Variants in TNRC6B observed in about 807,000 individuals in gnomAD.
The protein encoded by TNRC6B is trinucleotide repeat containing adaptor 6B, also known as trinucleotide repeat-containing gene 6B protein.
In TNRC6B, 52 loss-of-function variants were observed where a neutral mutation model predicts 203.6. The ratio of observed to expected loss-of-function variants is 0.26; its 90% CI spans 0.20 to 0.32. TNRC6B has a LOEUF of 0.32. TNRC6B is among the 10% of genes least tolerant of loss of function. The pLI is 1.00. For missense variants in TNRC6B, 1,923 were observed against 2,286.2 expected (o/e 0.84, Z 3.24); for synonymous variants, 838 against 845.7 (o/e 0.99, Z 0.16).
chr22:40,289,913 T>A (rs1048735370), intron 12 of TNRC6B, among the ~76,000 whole-genome samples: 4 of 152,346 alleles, frequency 2.6e-5, no homozygotes, highest in Admixed American at 2.0e-4. Context: ...TCTCATCCTA[T>A]AGGAGTTCAG....
intron 21 of TNRC6B, 99 bp downstream of exon 21, chr22:40,316,111 T>G (rs1478806647): frequency 3.6e-6 from 4 of 1,102,550 alleles, no homozygotes; most frequent in Non-Finnish European, 5.4e-6. Context: ...TCCAAGCACT[T>G]TGGGAGGCCG....
At chr22:40,267,129 G>C (rs1324900833) in intron 5 of TNRC6B, 93 bp downstream of exon 5, 1 of 1,307,920 alleles carries the variant, frequency 7.6e-7, no homozygotes, top group East Asian at 2.6e-5. Flanking sequence ...ACTTAGTTTT[G>C]TTCTGAGATG....
chr22:40,253,292 A>G (rs2070221503), intron 3 of TNRC6B, among the ~76,000 whole-genome samples: 1 of 146,378 alleles, frequency 6.8e-6, no homozygotes, highest in Admixed American at 6.9e-5. Context: ...GGGTTTCACC[A>G]TGTTAGCCAG....
At chr22:40,074,800 TAAAG>T (rs151272546) in intron 1 of TNRC6B, among the ~76,000 whole-genome samples, 6,406 of 150,164 alleles carry the variant, frequency 0.043, 416 homozygotes, top group African/African-American at 0.14. Flanking sequence ...TAAAATAAAA[TAAAG>T]AAAATTAGCT....
intron 2 of TNRC6B, among the ~76,000 whole-genome samples, chr22:40,247,254 G>A (rs940980564): frequency 6.6e-6 from 1 of 152,156 alleles, no homozygotes; most frequent in African/African-American, 2.4e-5. Context: ...TGTGGGAAAG[G>A]TTCGAGGGTC....
At chr22:40,254,853 C>G (rs1436928207) in intron 3 of TNRC6B, among the ~76,000 whole-genome samples, 1 of 152,196 alleles carries the variant, frequency 6.6e-6, no homozygotes, top group Non-Finnish European at 1.5e-5. Flanking sequence ...TGCCATTGCA[C>G]TCCAGCTGGG....
intron 1 of TNRC6B, among the ~76,000 whole-genome samples, chr22:40,052,472 GTT>G (rs2067757215): frequency 6.0e-5 from 1 of 16,594 alleles, no homozygotes; most frequent in African/African-American, 2.1e-4. Context: ...TTTTTTTTTT[GTT>G]GAGGCAGGGT....
intron 4 of TNRC6B, among the ~76,000 whole-genome samples, chr22:40,165,024 C>T (rs1480653458): frequency 2.6e-5 from 4 of 151,190 alleles, no homozygotes; most frequent in East Asian, 2.0e-4. Context: ...TCAGATGATC[C>T]GCCTGCCTCA....
Position 40,277,984 on chromosome 22 carries a change from T to G in TNRC6B, c.3217-15T>G. ...TGCATCCTTAATTCTCTCTCATCTG[T>G]TCTTTATTTTCCAGAGTCAGACTGA... On this transcript the variant is annotated splice_polypyrimidine_tract_variant and intron_variant, in intron 8 of 22. Transcript: ENST00000454349. The G allele has an allele frequency of 1.3e-6, 2 of 1,545,900 alleles. No homozygotes were observed. The highest frequency in any genetic ancestry group is 1.8e-6 in the Non-Finnish European group (2 of 1,138,484).
chr22:40,285,769 A>T lies in TNRC6B; in HGVS notation c.3707A>T (p.Gln1236Leu). The T allele has an allele frequency of 6.2e-7, 1 of 1,613,036 alleles. No homozygotes were observed. The highest frequency in any genetic ancestry group is 8.5e-7 in the Non-Finnish European group (1 of 1,179,604). ...AQVPPQFISP[Q>L]VSASMLKQFP... ...GTGCCTCCCCAGTTTATTTCCCCCC[A>T]GGTAAGCAATTTTACGTTCCTGTGA... is the stretch of plus-strand genomic sequence containing the variant. The change falls in exon 12 of 23, where the codon CAG becomes CTG. Residue 1236 changes from glutamine (Q) to leucine (L), a missense_variant and splice_region_variant. Transcript: ENST00000454349.
chr22:40,192,187 A>G (rs2069283466), intron 1 of TNRC6B, among the ~76,000 whole-genome samples: 1 of 152,158 alleles, frequency 6.6e-6, no homozygotes, highest in African/African-American at 2.4e-5. Context: ...AGAAATTTGG[A>G]TTTTATCCCG....
intron 1 of TNRC6B, among the ~76,000 whole-genome samples, chr22:40,223,488 G>A (rs1219204348): frequency 2.6e-5 from 4 of 152,130 alleles, no homozygotes; most frequent in East Asian, 1.9e-4. Flanking sequence ...AAAAAATTGC[G>A]TAAAAGCCCC....
At chr22:40,100,535 T>C (rs1476089933) in intron 1 of TNRC6B, among the ~76,000 whole-genome samples, 1 of 152,098 alleles carries the variant, frequency 6.6e-6, no homozygotes, top group East Asian at 1.9e-4. Flanking sequence ...CACACCACCA[T>C]GTCAGGCTAA....
chr22:40,270,049 C>T lies in TNRC6B; in HGVS notation c.2807-73C>T, dbSNP rs2070537470. On this transcript the variant is annotated intron_variant, in intron 5 of 22. Transcript: ENST00000454349. ...AGAATATAGGCATGCCTGTTCCTTCCACCTTCACCCCACTGGATATTATGG... is the reference window on the plus strand; with the variant it reads ...AGAATATAGGCATGCCTGTTCCTTCTACCTTCACCCCACTGGATATTATGG... 23 of 1,474,038 alleles carry T rather than the reference C, an allele frequency of 1.6e-5. No homozygotes were observed. The South Asian group carries it at 2.6e-4, about 17-fold the overall frequency. 91.3% of individuals were successfully genotyped at this position (1,474,038 alleles called of 1,614,324 possible).
intron 3 of TNRC6B, among the ~76,000 whole-genome samples, chr22:40,152,232 C>T (rs2146348352): frequency 1.3e-5 from 2 of 152,286 alleles, no homozygotes; most frequent in African/African-American, 4.8e-5. Flanking sequence ...TAGAATGATA[C>T]TGAGCTTCTG....
At position 40,083,324 on chromosome 22, in the gene TNRC6B, ATAATTAACTGAAT is replaced by A. The variant is rs1359420110; in HGVS notation, c.-120-33729_-120-33717del. Among the ~76,000 whole-genome samples, 8 of 152,334 alleles carry A rather than the reference ATAATTAACTGAAT, an allele frequency of 5.3e-5. No homozygotes were observed. In the East Asian group the frequency reaches 1.5e-3, roughly 29 times the overall value. On this transcript the variant is annotated intron_variant, in intron 1 of 23. Transcript: ENST00000301923. ...AGGAGATCATTTTAAAAAAGAGGGA[ATAATTAACTGAAT>A]TGAGTGCTGCTGAAAGGGTTACATG...
intron 1 of TNRC6B, among the ~76,000 whole-genome samples, chr22:40,236,482 G>T (rs776382162): frequency 3.3e-5 from 5 of 152,086 alleles, no homozygotes; most frequent in Non-Finnish European, 5.9e-5. Context: ...TTTACTTCTG[G>T]CATAGTTCCC....
rs1360298293 is a variant in TNRC6B, at chr22:40,075,165, T to A, written c.-121+30167T>A. Among the ~76,000 whole-genome samples the A allele has an allele frequency of 7.5e-3, 988 of 131,020 alleles. 8 individuals are homozygous for A. Among genetic ancestry groups the A allele is most frequent in the African/African-American group, 0.021 (690 of 32,748 alleles). 86.0% of individuals were successfully genotyped at this position (131,020 alleles called of 152,430 possible). A position where few individuals can be genotyped will look rare whatever the true frequency, so the allele number is the denominator to read the frequency against. ...ATATATATATATATATATTTTTTTT[T>A]TTTTTTTTTTTTTTCTTACTGATTT... On this transcript the variant is annotated intron_variant, in intron 1 of 23. Transcript: ENST00000301923.
intron 7 of TNRC6B, among the ~76,000 whole-genome samples, chr22:40,276,155 G>A (rs1209756736): frequency 2.0e-5 from 3 of 151,986 alleles, no homozygotes; most frequent in Non-Finnish European, 4.4e-5. Flanking sequence ...AGACCATCCT[G>A]GCTAGCATGG....
Sources: gnomAD v4.1 joint callset for allele counts (sites outside exome capture counted in the v4.1 genomes callset) on GRCh38, gnomAD v4.1.1 for gene constraint, MANE v1.5 for transcripts, NCBI Gene and HGNC (gene_info 2026-07-23, HGNC 2026-07-21) for gene names.